LRRTM4: variants seen among roughly 807,000 people sequenced by gnomAD.
The protein encoded by LRRTM4 is leucine rich repeat transmembrane neuronal 4, also known as leucine-rich repeat transmembrane neuronal protein 4.
LRRTM4 carries 25 observed loss-of-function variants against 47.6 expected under a neutral mutation model. That is an observed-to-expected ratio of 0.53 (90% confidence interval 0.38 to 0.73). LRRTM4 has a LOEUF of 0.73. Ranked by LOEUF, LRRTM4 falls within the 30% of genes least tolerant of loss-of-function variation. The pLI is 0.00. For missense variants in LRRTM4, 638 were observed against 713.4 expected, an observed-to-expected ratio of 0.89 and a Z score of 1.20; for synonymous variants, 311 against 269.5, an observed-to-expected ratio of 1.15 and a Z score of -1.51.
chr2:77,014,581 G>T (rs1444673739), intron 3 of LRRTM4, among the ~76,000 whole-genome samples: 4 of 151,582 alleles, frequency 2.6e-5, no homozygotes, highest in Admixed American at 1.3e-4. Flanking sequence ...GGAGGCTGAG[G>T]TAGGCAGATC....
intron 3 of LRRTM4, among the ~76,000 whole-genome samples, chr2:77,141,835 A>T (rs1672132365): frequency 6.6e-6 from 1 of 152,192 alleles, no homozygotes; most frequent in Non-Finnish European, 1.5e-5. Flanking sequence ...TAAGGATATA[A>T]GTATCACCAA....
rs533372858 is a variant in LRRTM4 at position 77,322,136 on chromosome 2, G to C, written c.1551+196182C>G. On this transcript the variant is annotated intron_variant, in intron 3 of 3. Coordinates refer to ENST00000409884, the MANE Select transcript of LRRTM4 (RefSeq NM_001134745.3). ...GGTAGAAATAGTGGAGTTGTCATTT[G>C]AGTTCAAGTTCTTTGTTTCCAAAGC... Among the ~76,000 whole-genome samples the C allele has an allele frequency of 5.8e-4, 88 of 152,268 alleles. 1 individual carries two copies. The highest frequency in any genetic ancestry group is 1.0e-3 in the South Asian group (5 of 4,830).
At chr2:76,947,010 T>C (rs1276131156) in intron 3 of LRRTM4, among the ~76,000 whole-genome samples, 7 of 151,796 alleles carry the variant, frequency 4.6e-5, no homozygotes, top group Non-Finnish European at 7.4e-5. Context: ...AGAATAATTA[T>C]AGAACCAATA....
At chr2:76,842,427 C>T (rs1016802839) in intron 3 of LRRTM4, among the ~76,000 whole-genome samples, 1 of 152,192 alleles carries the variant, frequency 6.6e-6, no homozygotes, top group Non-Finnish European at 1.5e-5. Context: ...TATAAACATA[C>T]ATATGATGCT....
At chr2:77,403,871 T>A (rs1168284305) in intron 3 of LRRTM4, among the ~76,000 whole-genome samples, 2 of 149,910 alleles carry the variant, frequency 1.3e-5, no homozygotes, top group African/African-American at 5.0e-5. Flanking sequence ...AAATGAGAAA[T>A]ATATATATAT....
chr2:76,821,799 A>T (rs574878345), intron 3 of LRRTM4, among the ~76,000 whole-genome samples: 95 of 151,790 alleles, frequency 6.3e-4, no homozygotes, highest in Non-Finnish European at 8.3e-4. Flanking sequence ...CACCTTATTA[A>T]GGTGAGCCAT....
intron 3 of LRRTM4, among the ~76,000 whole-genome samples, chr2:77,383,149 A>G (rs555923168): frequency 6.6e-6 from 1 of 152,232 alleles, no homozygotes; most frequent in Non-Finnish European, 1.5e-5. Context: ...CCAAAGAAAA[A>G]TGGTTGAGTA....
intron 3 of LRRTM4, among the ~76,000 whole-genome samples, chr2:77,064,976 A>G (rs2103810468): frequency 6.6e-6 from 1 of 152,234 alleles, no homozygotes; most frequent in South Asian, 2.1e-4. Flanking sequence ...TGACTCTGAT[A>G]AGACTTTTTA....
chr2:77,226,549 A>G (rs1674816514), intron 3 of LRRTM4, among the ~76,000 whole-genome samples: 1 of 93,320 alleles, frequency 1.1e-5, no homozygotes, highest in South Asian at 3.3e-4. Flanking sequence ...ATATATATAT[A>G]TATATATATA....
At chr2:76,909,367 C>G (rs1320166284) in intron 3 of LRRTM4, among the ~76,000 whole-genome samples, 8 of 152,046 alleles carry the variant, frequency 5.3e-5, no homozygotes, top group African/African-American at 7.2e-5. Context: ...AGACTTAAAC[C>G]TTAGACCTAA....
intron 3 of LRRTM4, among the ~76,000 whole-genome samples, chr2:77,164,011 T>G (rs1012137815): frequency 5.3e-5 from 8 of 152,110 alleles, no homozygotes; most frequent in African/African-American, 1.9e-4. Flanking sequence ...AGACACAGAC[T>G]GGCAAATTGG....
chr2:77,048,101 AAAT>A (rs1253380640), intron 3 of LRRTM4, among the ~76,000 whole-genome samples: 1 of 152,042 alleles, frequency 6.6e-6, no homozygotes, highest in Non-Finnish European at 1.5e-5. Flanking sequence ...TATGTCATGA[AAAT>A]AAAGTCAAAT....
intron 3 of LRRTM4, among the ~76,000 whole-genome samples, chr2:77,377,695 A>G (rs1171767323): frequency 6.6e-6 from 1 of 152,044 alleles, no homozygotes; most frequent in African/African-American, 2.4e-5. Flanking sequence ...GAGGTACTGA[A>G]TATTATAAAA....
At chr2:77,453,744 G>A (rs1676356785) in intron 3 of LRRTM4, among the ~76,000 whole-genome samples, 1 of 152,008 alleles carries the variant, frequency 6.6e-6, no homozygotes, top group African/African-American at 2.4e-5. Context: ...CTTTTGGTAT[G>A]TCTTTCATAA....
At chr2:76,981,806 T>A (rs888917447) in intron 3 of LRRTM4, among the ~76,000 whole-genome samples, 53 of 152,106 alleles carry the variant, frequency 3.5e-4, no homozygotes, top group African/African-American at 1.2e-3. Flanking sequence ...TCTTTTTTTT[T>A]AAATCTATTA....
intron 3 of LRRTM4, among the ~76,000 whole-genome samples, chr2:76,885,071 G>A (rs1422853109): frequency 6.6e-6 from 1 of 151,836 alleles, no homozygotes; most frequent in South Asian, 2.1e-4. Flanking sequence ...CAAAATGTTA[G>A]TAGTGCTTCT....
chr2:77,094,358 G>T (rs575129139), intron 3 of LRRTM4, among the ~76,000 whole-genome samples: 1 of 151,926 alleles, frequency 6.6e-6, no homozygotes, highest in East Asian at 1.9e-4. Context: ...TATAATTTCA[G>T]AAGAGATCTA....
At chr2:77,130,824 ATTTTTTTTTTTTTTTT>A (rs768577274) in intron 3 of LRRTM4, among the ~76,000 whole-genome samples, 1 of 35,622 alleles carries the variant, frequency 2.8e-5, no homozygotes, top group African/African-American at 1.2e-4. Context: ...TATTTGTTCT[ATTTTTTTTTTTTTTTT>A]TTTTTTTTTT....
chr2:76,801,555 C>A (rs1287516465), intron 3 of LRRTM4, among the ~76,000 whole-genome samples: 2 of 151,852 alleles, frequency 1.3e-5, no homozygotes, highest in African/African-American at 2.4e-5. Flanking sequence ...AGGAGATATA[C>A]CTAATGCTAG....
Sources: allele counts gnomAD v4.1 joint callset (sites outside exome capture counted in the v4.1 genomes callset), GRCh38; gene constraint gnomAD v4.1.1; transcripts MANE v1.5; gene names NCBI Gene and HGNC (gene_info 2026-07-23, HGNC 2026-07-21).